The following TRHDE variants were observed in gnomAD, a reference collection of about 807,000 sequenced individuals.
The protein encoded by TRHDE is thyrotropin-releasing hormone-degrading ectoenzyme.
In TRHDE, 72 loss-of-function variants were observed where a neutral mutation model predicts 125.7. That is an observed-to-expected ratio of 0.57 (90% CI 0.47 to 0.70). TRHDE has a LOEUF of 0.70. TRHDE is among the 30% of genes least tolerant of loss of function. The probability of loss-of-function intolerance (pLI) is 0.00; values close to 1 mark genes in which losing one functional copy is unlikely to be tolerated. For synonymous variants in TRHDE, 509 were observed against 509.1 expected (o/e 1.00, Z 0.00); for missense variants, 1,110 against 1,327.1 (o/e 0.84, Z 2.54).
chr12:72,463,861 C>T (rs963545685), intron 3 of TRHDE, among the ~76,000 whole-genome samples: 1 of 152,176 alleles, frequency 6.6e-6, no homozygotes, highest in Non-Finnish European at 1.5e-5. Context: ...GCAACACTTT[C>T]ACTAATGCTG....
At chr12:72,431,076 A>G (rs1344002779) in intron 3 of TRHDE, among the ~76,000 whole-genome samples, 5 of 152,124 alleles carry the variant, frequency 3.3e-5, no homozygotes, top group Admixed American at 2.0e-4. Flanking sequence ...TGACGTATAG[A>G]AATACAGCTT....
At chr12:72,150,446 G>T (rs1041981910) in intron 2 of TRHDE, among the ~76,000 whole-genome samples, 19 of 150,782 alleles carry the variant, frequency 1.3e-4, no homozygotes, top group Non-Finnish European at 2.8e-4. Context: ...TGTGCACTAC[G>T]TGCAGGTTAG....
intron 2 of TRHDE, among the ~76,000 whole-genome samples, chr12:72,246,474 T>C (rs1878578284): frequency 1.3e-5 from 2 of 152,208 alleles, no homozygotes; most frequent in South Asian, 4.1e-4. Context: ...ATAAAAAACA[T>C]ATTTTCTGGT....
intron 6 of TRHDE, among the ~76,000 whole-genome samples, chr12:72,533,377 G>A (rs1380724529): frequency 6.6e-6 from 1 of 152,018 alleles, no homozygotes; most frequent in Non-Finnish European, 1.5e-5. Flanking sequence ...GTTTCACCAT[G>A]TTGGCCAAGA....
At chr12:72,372,821 C>CG in intron 2 of TRHDE, among the ~76,000 whole-genome samples, 1 of 152,148 alleles carries the variant, frequency 6.6e-6, no homozygotes, top group South Asian at 2.1e-4. Context: ...AGTCAGGTAG[C>CG]GTGATGCCTC....
At chr12:72,396,899 A>G (rs574878138) in intron 3 of TRHDE, among the ~76,000 whole-genome samples, 1 of 152,294 alleles carries the variant, frequency 6.6e-6, no homozygotes, top group South Asian at 2.1e-4. Flanking sequence ...TGATATTCCA[A>G]GAATGGACTC....
intron 2 of TRHDE, among the ~76,000 whole-genome samples, chr12:72,203,188 G>A (rs1877595529): frequency 6.6e-6 from 1 of 152,116 alleles, no homozygotes; most frequent in Admixed American, 6.5e-5. Context: ...TAGGCCGGGC[G>A]TAGTGGCTCA....
At chr12:72,305,440 A>C (rs559975314) in intron 2 of TRHDE, among the ~76,000 whole-genome samples, 1 of 152,216 alleles carries the variant, frequency 6.6e-6, no homozygotes, top group Non-Finnish European at 1.5e-5. Context: ...GAAATCACAG[A>C]ATCATAAATT....
chr12:72,092,026 A>C (rs1369599649), intron 1 of TRHDE, among the ~76,000 whole-genome samples: 4 of 152,186 alleles, frequency 2.6e-5, no homozygotes, highest in Non-Finnish European at 4.4e-5. Flanking sequence ...CCCTTCATTC[A>C]GTCTTGCAAA....
intron 15 of TRHDE, among the ~76,000 whole-genome samples, chr12:72,643,419 G>GT (rs1472705909): frequency 1.3e-5 from 2 of 152,290 alleles, no homozygotes; most frequent in African/African-American, 2.4e-5. Flanking sequence ...TTGACCAGCA[G>GT]TTTTTTGTAA....
intron 2 of TRHDE, among the ~76,000 whole-genome samples, chr12:72,264,897 G>A (rs1037717473): frequency 6.9e-6 from 1 of 145,246 alleles, no homozygotes; most frequent in Non-Finnish European, 1.5e-5. Context: ...GTTATCTTTA[G>A]GTTCATTGTT....
At chr12:72,443,376 T>A (rs556818083) in intron 3 of TRHDE, among the ~76,000 whole-genome samples, 1 of 151,922 alleles carries the variant, frequency 6.6e-6, no homozygotes, top group Admixed American at 6.6e-5. Flanking sequence ...GCTCTCTTTT[T>A]GTATTTTCCT....
intron 12 of TRHDE, among the ~76,000 whole-genome samples, chr12:72,589,064 A>G (rs1411770273): frequency 6.6e-6 from 1 of 152,174 alleles, no homozygotes; most frequent in African/African-American, 2.4e-5. Context: ...GATCATGCGA[A>G]CTACAAGGTG....
Position 72,664,729 on chromosome 12 carries a change from AT to A in TRHDE, c.*1536del, listed in dbSNP as rs1875050530. The stretch of plus-strand genomic sequence containing the variant: ...TTCACTCCACCAAATCTTACAAATC[AT>A]TGAAAGAAATATATTCTAACAGTAC... On this transcript the variant is annotated 3_prime_UTR_variant, in exon 19 of 19. Coordinates refer to ENST00000261180, the MANE Select transcript of TRHDE (RefSeq NM_013381.3). 1 of 152,114 alleles carries A rather than the reference AT, an allele frequency of 6.6e-6. No individual in the cohort carries two copies. Among genetic ancestry groups the A allele is most frequent in the African/African-American group, 2.4e-5 (1 of 41,458 alleles). The allele number at this position is 152,114 out of a possible 1,614,324, so 9.4% of individuals were successfully genotyped here.
chr12:72,339,329 A>G (rs1299539836), intron 2 of TRHDE, among the ~76,000 whole-genome samples: 1 of 152,210 alleles, frequency 6.6e-6, no homozygotes, highest in Admixed American at 6.6e-5. Context: ...TAGTATTACT[A>G]TCTTCATCCA....
chr12:72,382,427 G>T (rs868369691), intron 3 of TRHDE, among the ~76,000 whole-genome samples: 8 of 152,034 alleles, frequency 5.3e-5, no homozygotes, highest in Non-Finnish European at 1.2e-4. Context: ...GGAATGGAGG[G>T]AGAGGGAGAC....
At chr12:72,640,697 A>T (rs953941436) in intron 15 of TRHDE, among the ~76,000 whole-genome samples, 4 of 152,160 alleles carry the variant, frequency 2.6e-5, no homozygotes, top group African/African-American at 9.7e-5. Flanking sequence ...TGCATCGCTC[A>T]TGCTGGGAGC....
At chr12:72,312,652 G>GA (rs1555175479) in intron 2 of TRHDE, among the ~76,000 whole-genome samples, 2 of 152,112 alleles carry the variant, frequency 1.3e-5, no homozygotes, top group Non-Finnish European at 2.9e-5. Flanking sequence ...GGGAGGTCAC[G>GA]AATTTACCAG....
chr12:72,476,107 A>G (rs991929118), intron 5 of TRHDE, among the ~76,000 whole-genome samples: 2 of 151,952 alleles, frequency 1.3e-5, no homozygotes, highest in African/African-American at 4.8e-5. Context: ...TGCAGAGACA[A>G]GGTTTCACTA....
Sources: allele counts gnomAD v4.1 joint callset (sites outside exome capture counted in the v4.1 genomes callset), GRCh38; gene constraint gnomAD v4.1.1; transcripts MANE v1.5; gene names NCBI Gene and HGNC (gene_info 2026-07-23, HGNC 2026-07-21).